The following SLC22A25 variants were observed in gnomAD, a reference collection of about 807,000 sequenced individuals.
SLC22A25 encodes MGI:2442751, MGI:2385316, MGI:3042283, MGI:3645714, MGI:3605624, MGI:2442750.
Under a neutral mutation model 45.9 loss-of-function variants are expected in SLC22A25, and 44 were observed. The ratio of observed to expected loss-of-function variants is 0.96; its 90% confidence interval spans 0.75 to 1.23. The LOEUF is 1.23. Among genes scored for constraint, SLC22A25 ranks in the 50% most tolerant of loss-of-function variants. SLC22A25 has a pLI of 0.00. For synonymous variants in SLC22A25, 283 were observed against 238.6 expected, an observed-to-expected ratio of 1.19 and a Z score of -1.72; for missense variants, 800 against 666.4, an observed-to-expected ratio of 1.20 and a Z score of -2.21.
In SLC22A25 at chr11:63,161,526, T is replaced by C. The variant is rs900045787; in HGVS notation, c.*2298A>G. Among the ~76,000 whole-genome samples, 2 of 152,142 alleles carry C rather than the reference T, an allele frequency of 1.3e-5. No individual in the cohort carries two copies. The highest frequency in any genetic ancestry group is 2.9e-5 in the Non-Finnish European group (2 of 68,014). ...GATCCAGTGGGAGGTAACTGAATCA[T>C]GGGGGTGAGTGTTTCCCATGCTCTT... On this transcript the variant is annotated 3_prime_UTR_variant, in exon 12 of 12. Coordinates refer to ENST00000306494, the MANE Select transcript of SLC22A25 (RefSeq NM_199352.6).
intron 7 of SLC22A25, among the ~76,000 whole-genome samples, chr11:63,185,087 G>T (rs2088475832): frequency 1.3e-5 from 2 of 152,104 alleles, no homozygotes; most frequent in South Asian, 4.1e-4. Flanking sequence ...TGATAAAGCT[G>T]AAAAACACGC....
chr11:63,234,538 A>G (rs1437392747), intron 3 of SLC22A25, among the ~76,000 whole-genome samples: 2 of 152,052 alleles, frequency 1.3e-5, no homozygotes, highest in South Asian at 2.1e-4. Context: ...TGTCTCTGCA[A>G]GTGACATGGG....
At chr11:63,218,448 A>G (rs892765842) in intron 5 of SLC22A25, among the ~76,000 whole-genome samples, 3 of 152,200 alleles carry the variant, frequency 2.0e-5, no homozygotes, top group Admixed American at 1.3e-4. Context: ...TAGCCTCAGC[A>G]TCATGCAATA....
intron 9 of SLC22A25, among the ~76,000 whole-genome samples, chr11:63,180,264 C>G (rs2134732175): frequency 1.3e-5 from 2 of 152,212 alleles, no homozygotes; most frequent in Middle Eastern, 6.8e-3. Context: ...AGAATTTTTT[C>G]TATACCTTGA....
intron 7 of SLC22A25, among the ~76,000 whole-genome samples, chr11:63,210,103 G>A (rs2089517485): frequency 6.6e-6 from 1 of 152,226 alleles, no homozygotes; most frequent in Non-Finnish European, 1.5e-5. Context: ...GAGGCATATA[G>A]GCTGTACTCT....
chr11:63,227,561 A>G (rs1171907866), intron 5 of SLC22A25, among the ~76,000 whole-genome samples: 1 of 152,160 alleles, frequency 6.6e-6, no homozygotes, highest in Non-Finnish European at 1.5e-5. Context: ...TCCTCTCCTC[A>G]AATGGAATGA....
chr11:63,174,850 T>G (rs2088028697), intron 9 of SLC22A25, among the ~76,000 whole-genome samples: 1 of 152,136 alleles, frequency 6.6e-6, no homozygotes, highest in Non-Finnish European at 1.5e-5. Flanking sequence ...TCTATAAATT[T>G]GATTATTTTA....
At chr11:63,171,408 C>T (rs919805988) in intron 9 of SLC22A25, among the ~76,000 whole-genome samples, 1 of 152,076 alleles carries the variant, frequency 6.6e-6, no homozygotes, top group African/African-American at 2.4e-5. Flanking sequence ...TTTAGAAAAC[C>T]CCATCATCTC....
At chr11:63,183,282 G>A (rs1359411193) in intron 8 of SLC22A25, among the ~76,000 whole-genome samples, 1 of 152,112 alleles carries the variant, frequency 6.6e-6, no homozygotes, top group Non-Finnish European at 1.5e-5. Flanking sequence ...ATATGACAGA[G>A]TGAACAAATA....
chr11:63,234,320 C>T (rs998161585), intron 3 of SLC22A25, among the ~76,000 whole-genome samples: 1 of 152,174 alleles, frequency 6.6e-6, no homozygotes, highest in Non-Finnish European at 1.5e-5. Context: ...TCTGGGTGCT[C>T]CTGTATTGGG....
At chr11:63,220,940 T>C (rs900129982) in intron 5 of SLC22A25, among the ~76,000 whole-genome samples, 3 of 152,362 alleles carry the variant, frequency 2.0e-5, no homozygotes, top group Admixed American at 1.3e-4. Context: ...TTCATGTTGT[T>C]GCAAATGACA....
At chr11:63,188,006 C>CT (rs1433012350) in intron 7 of SLC22A25, among the ~76,000 whole-genome samples, 1 of 151,602 alleles carries the variant, frequency 6.6e-6, no homozygotes, top group Admixed American at 6.6e-5. Flanking sequence ...CTAAAATTCT[C>CT]TTTTTTTATT....
At chr11:63,196,889 AT>A (rs1176480819) in intron 7 of SLC22A25, among the ~76,000 whole-genome samples, 2 of 152,244 alleles carry the variant, frequency 1.3e-5, no homozygotes, top group African/African-American at 4.8e-5. Flanking sequence ...CCTTAAGCTG[AT>A]AAGCAACTCA....
intron 3 of SLC22A25, among the ~76,000 whole-genome samples, chr11:63,234,166 A>G (rs532372029): frequency 6.6e-6 from 1 of 152,256 alleles, no homozygotes; most frequent in African/African-American, 2.4e-5. Context: ...CTTGGTGCAG[A>G]GCTGAGTTTA....
At position 63,204,151 on chromosome 11, in the gene SLC22A25, G is replaced by C. The variant is rs144428148; in HGVS notation, c.830+13163C>G. Among the ~76,000 whole-genome samples, 802 of 152,270 alleles carry C rather than the reference G, an allele frequency of 5.3e-3. 5 individuals carry two copies. The highest frequency in any genetic ancestry group is 5.5e-3 in the Non-Finnish European group (374 of 68,008). On this transcript the variant is annotated intron_variant, in intron 7 of 11. Transcript: ENST00000306494. Reference sequence around the variant, plus strand: ...CCAGGCCTGCCTTACAAGAGCTCCTGAAGGAAGCACTAAATATAAAAAGGA... The same window carrying C: ...CCAGGCCTGCCTTACAAGAGCTCCTCAAGGAAGCACTAAATATAAAAAGGA...
chr11:63,165,143 G>T (rs2134704739), intron 10 of SLC22A25, among the ~76,000 whole-genome samples: 1 of 152,346 alleles, frequency 6.6e-6, no homozygotes, highest in African/African-American at 2.4e-5. Context: ...CAGTATTAAT[G>T]TTTCAAGGAT....
chr11:63,204,995 G>A (rs1219935622), intron 7 of SLC22A25, among the ~76,000 whole-genome samples: 2 of 152,128 alleles, frequency 1.3e-5, no homozygotes, highest in Non-Finnish European at 2.9e-5. Flanking sequence ...TTAGAACTCA[G>A]GATTAAGAAA....
rs535425042 is a variant in SLC22A25, at chr11:63,235,525, T to G, written c.-445+2356A>C. On this transcript the variant is annotated intron_variant, in intron 3 of 11. Transcript: ENST00000306494. ...TCCTTTAAGGACTTCTCTGCATTGG[T>G]TATTCTAGTTATCCATTCATCTAAT... Among the ~76,000 whole-genome samples the G allele has an allele frequency of 9.2e-5, 14 of 152,330 alleles. No homozygotes were observed. In the East Asian group the frequency reaches 2.7e-3, roughly 29 times the overall value.
Position 63,237,988 on chromosome 11 carries a change from A to G in SLC22A25, c.-552T>C, listed in dbSNP as rs1009553865. ...AAGAATGTAGCCACTAAATTCAGTG[A>G]CTGAGATCCACATACCAGGTCCCAC... On this transcript the variant is annotated 5_prime_UTR_variant, in exon 3 of 12. Coordinates refer to ENST00000306494, the MANE Select transcript of SLC22A25 (RefSeq NM_199352.6). 1 of 152,382 alleles carries G rather than the reference A, an allele frequency of 6.6e-6. No homozygotes were observed. Among genetic ancestry groups the G allele is most frequent in the Non-Finnish European group, 1.5e-5 (1 of 68,050 alleles). 9.4% of individuals were successfully genotyped at this position (152,382 alleles called of 1,614,324 possible). A position where few individuals can be genotyped will look rare whatever the true frequency, so the allele number is the denominator to read the frequency against.
Sources: allele counts gnomAD v4.1 joint callset (sites outside exome capture counted in the v4.1 genomes callset), GRCh38; gene constraint gnomAD v4.1.1; transcripts MANE v1.5; gene names NCBI Gene and HGNC (gene_info 2026-07-23, HGNC 2026-07-21).